Variants in FRMD3 observed in about 807,000 individuals in gnomAD.
FRMD3 encodes FERM domain-containing protein 3.
In FRMD3, 33 loss-of-function variants were observed where a neutral mutation model predicts 70.2. That is an observed-to-expected ratio of 0.47 (90% CI 0.36 to 0.63). FRMD3 has a LOEUF of 0.63. Among genes scored for constraint, FRMD3 ranks in the 20% least tolerant of loss-of-function variants. The pLI is 0.00. For synonymous variants in FRMD3, 279 were observed against 255.9 expected (o/e 1.09, Z -0.86); for missense variants, 632 against 711.4 (o/e 0.89, Z 1.27).
chr9:83,248,881 ATATAT>A (rs781771198), intron 13 of FRMD3, among the ~76,000 whole-genome samples: 19 of 152,198 alleles, frequency 1.2e-4, no homozygotes, highest in African/African-American at 1.9e-4. Context: ...ATATCACCCG[ATATAT>A]TATAGTAAAA....
chr9:83,338,566 T>A (rs1418331455), intron 5 of FRMD3, among the ~76,000 whole-genome samples: 3 of 152,148 alleles, frequency 2.0e-5, no homozygotes, highest in Non-Finnish European at 2.9e-5. Flanking sequence ...AAATAAGATG[T>A]ACGTATGCAA....
At chr9:83,494,851 GTGTGTGTGCGCGCGCGCA>G (rs1828904719) in intron 1 of FRMD3, among the ~76,000 whole-genome samples, 2 of 147,762 alleles carry the variant, frequency 1.4e-5, no homozygotes, top group South Asian at 4.5e-4. Context: ...GTGTGTGTGT[GTGTGTGTGCGCGCGCGCA>G]TGTGCGTGTG....
At chr9:83,550,832 C>T in the FRMD3 span, among the ~76,000 whole-genome samples, 2 of 151,750 alleles carry the variant, frequency 1.3e-5, no homozygotes, top group African/African-American at 4.8e-5. Context: ...ATTTTGTATC[C>T]TGGAATTTTG....
intron 1 of FRMD3, among the ~76,000 whole-genome samples, chr9:83,508,227 C>A (rs11140133): frequency 6.6e-6 from 1 of 152,162 alleles, no homozygotes; most frequent in Non-Finnish European, 1.5e-5. Flanking sequence ...AAGCACTAAC[C>A]TATGATGTCA....
chr9:83,374,926 A>G (rs1825094965), intron 2 of FRMD3, among the ~76,000 whole-genome samples: 1 of 152,242 alleles, frequency 6.6e-6, no homozygotes, highest in Non-Finnish European at 1.5e-5. Flanking sequence ...TACTTACTGC[A>G]ATTGTTTTGC....
chr9:83,379,701 C>G (rs1825297435), intron 2 of FRMD3, among the ~76,000 whole-genome samples: 1 of 152,118 alleles, frequency 6.6e-6, no homozygotes, highest in Admixed American at 6.5e-5. Context: ...AGGAAGGATG[C>G]CCTCAGTTTA....
chr9:83,295,447 G>A (rs889066208), intron 12 of FRMD3, among the ~76,000 whole-genome samples: 4 of 152,070 alleles, frequency 2.6e-5, no homozygotes, highest in African/African-American at 9.7e-5. Flanking sequence ...TCATATTCCA[G>A]TTTTTCATTT....
downstream of FRMD3, among the ~76,000 whole-genome samples, chr9:83,244,379 T>C (rs569936801): frequency 3.9e-5 from 6 of 152,322 alleles, no homozygotes; most frequent in South Asian, 1.2e-3. Flanking sequence ...GTTAACTTAA[T>C]ATCATGAATT....
At chr9:83,516,875 G>A (rs1305872210) in intron 1 of FRMD3, among the ~76,000 whole-genome samples, 3 of 152,126 alleles carry the variant, frequency 2.0e-5, no homozygotes, top group East Asian at 1.9e-4. Context: ...AATTTCTACT[G>A]GGTAAATAAT....
rs372224837 is a variant in FRMD3 at position 83,268,110 on chromosome 9, C to A, written c.1196-19594G>T. On this transcript the variant is annotated intron_variant, in intron 13 of 13. Coordinates refer to ENST00000304195, the MANE Select transcript of FRMD3 (RefSeq NM_174938.6). ...TAGTGTTCTAAATGCAGGTGCCATG[C>A]AACCACTACATTCTGACTTTTCATG... 2.8e-3 allele frequency among the ~76,000 whole-genome samples: 423 copies of A among 152,288 alleles called. 17 individuals carry two copies. In the South Asian group the frequency reaches 0.082, roughly 30 times the overall value.
chr9:83,313,314 C>T (rs1039002120), intron 7 of FRMD3, among the ~76,000 whole-genome samples: 1 of 152,120 alleles, frequency 6.6e-6, no homozygotes, highest in African/African-American at 2.4e-5. Context: ...TCCACTTTCC[C>T]ATTTTTTAAA....
intron 12 of FRMD3, among the ~76,000 whole-genome samples, chr9:83,293,769 C>T (rs1004181308): frequency 9.2e-5 from 14 of 152,188 alleles, no homozygotes; most frequent in South Asian, 4.1e-4. Flanking sequence ...GGGACAGGGG[C>T]ATATAGGACG....
intron 6 of FRMD3, among the ~76,000 whole-genome samples, chr9:83,329,080 T>C (rs959614472): frequency 1.3e-5 from 2 of 152,160 alleles, no homozygotes; most frequent in Admixed American, 1.3e-4. Context: ...ATAAAAAACA[T>C]GAATGGCTTG....
intron 1 of FRMD3, among the ~76,000 whole-genome samples, chr9:83,525,535 T>C (rs1829667480): frequency 6.6e-6 from 1 of 152,242 alleles, no homozygotes; most frequent in Non-Finnish European, 1.5e-5. Flanking sequence ...GCTCCTCATA[T>C]AACATGTTTA....
chr9:83,535,177 G>C (rs904711316), intron 1 of FRMD3, among the ~76,000 whole-genome samples: 2 of 152,176 alleles, frequency 1.3e-5, no homozygotes, highest in Non-Finnish European at 2.9e-5. Context: ...GTAGAGATCA[G>C]ACATAATGAG....
chr9:83,354,878 A>C (rs1417651940), intron 3 of FRMD3, among the ~76,000 whole-genome samples: 1 of 152,098 alleles, frequency 6.6e-6, no homozygotes, highest in African/African-American at 2.4e-5. Flanking sequence ...AATTCTTTTT[A>C]CTACCTTGAA....
intron 3 of FRMD3, among the ~76,000 whole-genome samples, chr9:83,364,204 C>T (rs1386291502): frequency 1.3e-5 from 2 of 152,108 alleles, no homozygotes; most frequent in African/African-American, 2.4e-5. Flanking sequence ...AAATGTTCTT[C>T]CCATTATTTT....
chr9:83,309,583 G>A lies in FRMD3; in HGVS notation c.879C>T (p.Ala293=). The change falls in exon 10 of 14, where the codon GCC becomes GCT. Residue 293 remains alanine, a synonymous_variant. Coordinates refer to ENST00000304195, the MANE Select transcript of FRMD3 (RefSeq NM_174938.6). ...CTCCACACTTCCAAAGATGTTTGCA[G>A]GCAGCTGGTGTTGAAGTATGGAATG... ...MLAFHTSTPA[A]CKHLWKCGVE... is the part of the protein sequence containing the mutation. 4 of 1,598,598 alleles carry A rather than the reference G, an allele frequency of 2.5e-6. No individual in the cohort carries two copies. The highest frequency in any genetic ancestry group is 3.4e-6 in the Non-Finnish European group (4 of 1,172,696).
At chr9:83,528,410 C>A (rs139448326) in intron 1 of FRMD3, among the ~76,000 whole-genome samples, 5 of 152,024 alleles carry the variant, frequency 3.3e-5, no homozygotes, top group Non-Finnish European at 7.4e-5. Flanking sequence ...TCACTTGGGG[C>A]ACTTGTAACT....
Sources: allele counts gnomAD v4.1 joint callset (sites outside exome capture counted in the v4.1 genomes callset), GRCh38; gene constraint gnomAD v4.1.1; transcripts MANE v1.5; gene names NCBI Gene and HGNC (gene_info 2026-07-23, HGNC 2026-07-21).